Variants in SLC43A2 observed in about 807,000 individuals in gnomAD.
SLC43A2 encodes solute carrier family 43 member 2.
A neutral mutation model predicts 63.2 loss-of-function variants in SLC43A2; 38 were observed. That is an observed-to-expected ratio of 0.60 (90% confidence interval 0.46 to 0.79). The LOEUF (loss-of-function observed/expected upper bound fraction) is 0.79. Among genes scored for constraint, SLC43A2 ranks in the 30% least tolerant of loss-of-function variants. SLC43A2 has a pLI of 0.00. For missense variants in SLC43A2, 644 were observed against 756.2 expected, an observed-to-expected ratio of 0.85 and a Z score of 1.74; for synonymous variants, 322 against 331.0, an observed-to-expected ratio of 0.97 and a Z score of 0.30.
rs201904247 is a variant in SLC43A2 at position 1,591,243 on chromosome 17, G to A, written c.931+26C>T. ...ACCCACAGAGCACTCCCTGCCCGTC[G>A]CCCGGCTGCGGTCTCAGGCGGGTAC... On this transcript the variant is annotated intron_variant, in intron 8 of 13. Transcript: ENST00000301335. 58 of 1,597,918 alleles carry A rather than the reference G, an allele frequency of 3.6e-5. No individual in the cohort carries two copies. The African/African-American group carries it at 4.0e-4, about 11-fold the overall frequency.
At chr17:1,627,302 T>C (rs1223919606) in intron 2 of SLC43A2, among the ~76,000 whole-genome samples, 1 of 152,194 alleles carries the variant, frequency 6.6e-6, no homozygotes, top group Non-Finnish European at 1.5e-5. Context: ...CTTCCTCTCC[T>C]GCTGCACCCC....
Position 1,605,557 on chromosome 17 carries a change from GGGAGCTGGGTGGTGGGTGGGGGCTGC to G in SLC43A2, c.501+7612_501+7637del, listed in dbSNP as rs1341282078. Among the ~76,000 whole-genome samples the G allele has an allele frequency of 6.6e-6, 1 of 150,666 alleles. No homozygotes were observed. The highest frequency in any genetic ancestry group is 1.5e-5 in the Non-Finnish European group (1 of 67,630). Reference sequence around the variant, plus strand: ...GTCCTCCCTGGCCTGCAGGAGGCTGGGGAGCTGGGTGGTGGGTGGGGGCTGCGGAGCTGGGAGGTGGGTGGGGGCTG... The same window carrying G: ...GTCCTCCCTGGCCTGCAGGAGGCTGGGGAGCTGGGAGGTGGGTGGGGGCTG... On this transcript the variant is annotated intron_variant, in intron 5 of 13. Transcript: ENST00000301335. The surrounding 1 kb of genome is among the most constrained non-coding windows in gnomAD (Gnocchi z 4.9).
At chr17:1,618,165 T>C (rs1029164315) in intron 2 of SLC43A2, among the ~76,000 whole-genome samples, 2 of 152,228 alleles carry the variant, frequency 1.3e-5, no homozygotes, top group Non-Finnish European at 2.9e-5. Context: ...TCGTGCTTCA[T>C]GCCAACGTGT....
At chr17:1,600,152 A>ATATATATTTTTTTTT (rs1216616243) in intron 5 of SLC43A2, among the ~76,000 whole-genome samples, 2 of 60,276 alleles carry the variant, frequency 3.3e-5, no homozygotes, top group Non-Finnish European at 3.2e-5. Context: ...ATATATATAT[A>ATATATATTTTTTTTT]TTTTTTTTTT....
rs751597861 is a variant in SLC43A2, at chr17:1,583,353, C to T, written c.1218-17G>A. On this transcript the variant is annotated splice_polypyrimidine_tract_variant and intron_variant, in intron 10 of 13. Transcript: ENST00000301335. This position sits in a 1 kb window ranked among gnomAD's most constrained non-coding sequence, Gnocchi z 5.5. ...TTCTCGCCTCTGTGGAGACACAGAACGTGCAGGGGTGGGAGGGCTCCCCGG... is the reference window on the plus strand; with the variant it reads ...TTCTCGCCTCTGTGGAGACACAGAATGTGCAGGGGTGGGAGGGCTCCCCGG... The T allele has an allele frequency of 1.9e-5, 30 of 1,613,124 alleles. No homozygotes were observed. The highest frequency in any genetic ancestry group is 4.5e-5 in the East Asian group (2 of 44,882).
chr17:1,621,016 A>C (rs1908104607), intron 2 of SLC43A2, among the ~76,000 whole-genome samples: 1 of 152,164 alleles, frequency 6.6e-6, no homozygotes, highest in South Asian at 2.1e-4. Flanking sequence ...GAAGTGGCCC[A>C]GCCCAGCCTG....
At chr17:1,627,618 A>G in intron 2 of SLC43A2, 97 bp downstream of exon 2, 1 of 984,216 alleles carries the variant, frequency 1.0e-6, no homozygotes, top group African/African-American at 1.6e-5. Context: ...GCACTGGGCA[A>G]TGCGGTGCTG....
chr17:1,592,974 G>T (rs1281164913), intron 6 of SLC43A2, among the ~76,000 whole-genome samples: 1 of 152,156 alleles, frequency 6.6e-6, no homozygotes, highest in East Asian at 1.9e-4. Context: ...AGGCACCTGC[G>T]GCAGATCCTG....
rs1192449608 is a variant in SLC43A2 at position 1,583,330 on chromosome 17, C to G, written c.1224G>C (p.Glu408Asp). The G allele has an allele frequency of 8.7e-6, 14 of 1,614,178 alleles. No individual in the cohort carries two copies. The highest frequency in any genetic ancestry group is 1.2e-5 in the Non-Finnish European group (14 of 1,180,012). ...EPEEKDANQG[E>D]KKKKKRDRQI... Reference sequence around the variant, plus strand: ...GCCGGTCCCGCTTCTTCTTTTTCTTCTCGCCTCTGTGGAGACACAGAACGT... The same window carrying G: ...GCCGGTCCCGCTTCTTCTTTTTCTTGTCGCCTCTGTGGAGACACAGAACGT... The change falls in exon 11 of 14, where the codon GAG (glutamate) becomes GAC (aspartate). Residue 408 changes from glutamate to aspartate, a missense_variant. Glu to Asp is a conservative substitution (Grantham distance 45, BLOSUM62 2). Around this residue, in one of 3 missense-constraint regions of SLC43A2, gnomAD observed 528 missense variants for 623.6 expected, o/e 0.85. Transcript: ENST00000301335. The surrounding 1 kb of genome is among the most constrained non-coding windows in gnomAD (Gnocchi z 5.5).
chr17:1,575,767 T>TGGGGAGGC lies in SLC43A2; in HGVS notation c.1549-10_1549-3dup, dbSNP rs745770630. ...GAGAAGGAGCAGCCCCACGTTCACC[T>TGGGGAGGC]GGGGAGGCAGGGAGGCCGCGCATCA... On this transcript the variant is annotated splice_polypyrimidine_tract_variant and splice_region_variant and intron_variant, in intron 13 of 13. Transcript: ENST00000301335. 8 of 1,608,418 alleles carry TGGGGAGGC rather than the reference T, an allele frequency of 5.0e-6. No individual in the cohort carries two copies. The highest frequency in any genetic ancestry group is 2.7e-5 in the African/African-American group (2 of 74,816).
chr17:1,594,836 C>T (rs1271321471), intron 5 of SLC43A2, among the ~76,000 whole-genome samples: 4 of 151,738 alleles, frequency 2.6e-5, no homozygotes, highest in Admixed American at 6.6e-5. Context: ...GATCCGCCCG[C>T]CTTGGCCTCC....
At chr17:1,615,653 C>A (rs999582005) in intron 3 of SLC43A2, among the ~76,000 whole-genome samples, 11 of 149,882 alleles carry the variant, frequency 7.3e-5, no homozygotes, top group Non-Finnish European at 1.5e-5. Context: ...ACCATCCTGG[C>A]TAACACAGTG....
chr17:1,594,656 C>T (rs1188635721), intron 5 of SLC43A2, among the ~76,000 whole-genome samples: 24 of 142,126 alleles, frequency 1.7e-4, no homozygotes, highest in East Asian at 4.3e-4. Context: ...GGCTCTATCT[C>T]GGCTCACTGC....
Position 1,583,604 on chromosome 17 carries a change from A to G in SLC43A2, c.1218-268T>C. ...ATGCTGCAGTGCTCTGTGAAGGCTGAGCTAAGACGACGGGGAGAGAAGTAG... is the reference window on the plus strand; with the variant it reads ...ATGCTGCAGTGCTCTGTGAAGGCTGGGCTAAGACGACGGGGAGAGAAGTAG... On this transcript the variant is annotated intron_variant, in intron 10 of 13. Coordinates refer to ENST00000301335, the MANE Select transcript of SLC43A2 (RefSeq NM_152346.3). This position sits in a 1 kb window ranked among gnomAD's most constrained non-coding sequence, Gnocchi z 5.5. 5.0e-6 allele frequency: 2 copies of G among 403,544 alleles called. No individual in the cohort carries two copies. The highest frequency in any genetic ancestry group is 4.8e-5 in the South Asian group (1 of 20,792). The allele number at this position is 403,544 out of a possible 1,614,324, so 25.0% of individuals were successfully genotyped here.
At chr17:1,624,482 C>G (rs1908475037) in intron 2 of SLC43A2, among the ~76,000 whole-genome samples, 1 of 151,838 alleles carries the variant, frequency 6.6e-6, no homozygotes, top group Non-Finnish European at 1.5e-5. Flanking sequence ...GCGGGTGGAT[C>G]ACCTGAGGTC....
chr17:1,591,287 A>C lies in SLC43A2; in HGVS notation c.913T>G (p.Cys305Gly). 1 of 1,605,204 alleles carries C rather than the reference A, an allele frequency of 6.2e-7. No homozygotes were observed. The highest frequency in any genetic ancestry group is 1.1e-5 in the South Asian group (1 of 91,068). ...CLSTVDLEVKCQPDAAVAPSF... is the reference protein window; with the variant it reads ...CLSTVDLEVKGQPDAAVAPSF... ...CGGGTACCTGCGGCATCCGGCTGGC[A>C]CTTCACCTCCAGGTCGACGGTGGAC... The change falls in exon 8 of 14, where the codon TGC (cysteine) becomes GGC (glycine). Residue 305 changes from cysteine (C) to glycine (G), a missense_variant. Coordinates refer to ENST00000301335, the MANE Select transcript of SLC43A2 (RefSeq NM_152346.3).
At chr17:1,579,411 A>G (rs1428368383) in intron 11 of SLC43A2, among the ~76,000 whole-genome samples, 1 of 151,328 alleles carries the variant, frequency 6.6e-6, no homozygotes, top group Admixed American at 6.6e-5. Flanking sequence ...CGGTGAGCCG[A>G]GATAGCACCA....
chr17:1,598,012 C>T (rs1905483908), intron 5 of SLC43A2, among the ~76,000 whole-genome samples: 1 of 152,194 alleles, frequency 6.6e-6, no homozygotes, highest in South Asian at 2.1e-4. Context: ...TGCACTGTAG[C>T]AAAGGCATCT....
At position 1,595,384 on chromosome 17, in the gene SLC43A2, G is replaced by A. The variant is rs546485308; in HGVS notation, c.502-2105C>T. On this transcript the variant is annotated intron_variant, in intron 5 of 13. Transcript: ENST00000301335. ...CTGCAGCCTCCAACTTGGCTCAAGTGATCTTCCCCCCCCAGCTCCCAAGTC... is the reference window on the plus strand; with the variant it reads ...CTGCAGCCTCCAACTTGGCTCAAGTAATCTTCCCCCCCCAGCTCCCAAGTC... Among the ~76,000 whole-genome samples the A allele has an allele frequency of 1.7e-3, 252 of 147,966 alleles. 2 individuals are homozygous for A. The highest frequency in any genetic ancestry group is 5.3e-3 in the African/African-American group (219 of 41,054).
Sources: allele counts gnomAD v4.1 joint callset (sites outside exome capture counted in the v4.1 genomes callset), GRCh38; gene constraint gnomAD v4.1.1; regional missense constraint gnomAD v4.1.1; non-coding constraint Gnocchi (gnomAD v3.1); transcripts MANE v1.5; gene names NCBI Gene and HGNC (gene_info 2026-07-23, HGNC 2026-07-21).